NLN: variants seen among roughly 807,000 people sequenced by gnomAD.
NLN encodes the protein neurolysin.
NLN carries 64 observed loss-of-function variants against 79.9 expected under a neutral mutation model. The observed-to-expected ratio is 0.80, with a 90% CI of 0.65 to 0.99. NLN has a LOEUF of 0.99. Among genes scored for constraint, NLN ranks in the 50% least tolerant of loss-of-function variants. The pLI, the probability that NLN is intolerant of heterozygous loss-of-function variation, is 0.00. For synonymous variants in NLN, 267 were observed against 296.6 expected (o/e 0.90, Z 1.02); for missense variants, 835 against 858.7 (o/e 0.97, Z 0.34).
At chr5:65,758,053 G>A (rs1423276199) in intron 1 of NLN, among the ~76,000 whole-genome samples, 4 of 152,092 alleles carry the variant, frequency 2.6e-5, no homozygotes, top group Non-Finnish European at 4.4e-5. Context: ...GGCAATATGG[G>A]GAGACCTCAT....
chr5:65,778,570 C>G (rs1263673445), intron 4 of NLN, among the ~76,000 whole-genome samples: 3 of 152,156 alleles, frequency 2.0e-5, no homozygotes, highest in African/African-American at 7.2e-5. Flanking sequence ...GGAGCATGAA[C>G]ACTGTATTAG....
chr5:65,777,099 A>G (rs1378157138), intron 3 of NLN, among the ~76,000 whole-genome samples: 2 of 152,244 alleles, frequency 1.3e-5, no homozygotes, highest in Non-Finnish European at 2.9e-5. Context: ...TGTTTTGTGA[A>G]AAAGACCACT....
intron 1 of NLN, among the ~76,000 whole-genome samples, chr5:65,751,582 G>A (rs1759103045): frequency 6.6e-6 from 1 of 152,122 alleles, no homozygotes; most frequent in South Asian, 2.1e-4. Flanking sequence ...AAAATGAATG[G>A]CACAGATGAA....
At chr5:65,789,865 G>A (rs1274833449) in intron 8 of NLN, among the ~76,000 whole-genome samples, 1 of 152,212 alleles carries the variant, frequency 6.6e-6, no homozygotes. Flanking sequence ...AGTAGAAGTA[G>A]CAAAACCTTT....
chr5:65,785,897 A>G lies in NLN; in HGVS notation c.945A>G (p.Val315=), dbSNP rs781396857. The G allele has an allele frequency of 2.5e-6, 4 of 1,612,160 alleles. No individual in the cohort carries two copies. The highest frequency in any genetic ancestry group is 8.5e-7 in the Non-Finnish European group (1 of 1,179,186). ...EMNTAKSTSR[V]TAFLDDLSQK... ...ACACTGCAAAGAGCACAAGCCGCGTAACAGCCTTTCTAGGTTAGTTCTTTT... is the reference window on the plus strand; with the variant it reads ...ACACTGCAAAGAGCACAAGCCGCGTGACAGCCTTTCTAGGTTAGTTCTTTT... Residue 315 remains valine, a synonymous_variant, in exon 7 of 13, where the codon GTA becomes GTG. Coordinates refer to ENST00000380985, the MANE Select transcript of NLN (RefSeq NM_020726.5).
At chr5:65,732,029 G>T (rs935440620) in intron 1 of NLN, among the ~76,000 whole-genome samples, 8 of 151,986 alleles carry the variant, frequency 5.3e-5, no homozygotes, top group Admixed American at 3.3e-4. Flanking sequence ...ACGATTACAG[G>T]CATGAGCCAC....
At chr5:65,727,170 A>G (rs552620658) in intron 1 of NLN, among the ~76,000 whole-genome samples, 6 of 152,226 alleles carry the variant, frequency 3.9e-5, no homozygotes, top group African/African-American at 1.4e-4. Flanking sequence ...GTACCTATGT[A>G]TGTATGTATT....
chr5:65,792,749 C>T lies in NLN; in HGVS notation c.1527+94C>T, dbSNP rs1036175997. ...GGTTTCTGCTCCTAACAGGTTTTTT[C>T]AGAAGCTGAATGTGTTCAAGAATTT... is the stretch of plus-strand genomic sequence containing the variant. On this transcript the variant is annotated intron_variant, in intron 9 of 12. Transcript: ENST00000380985. The T allele has an allele frequency of 1.4e-5, 15 of 1,081,412 alleles. No homozygotes were observed. The African/African-American group carries it at 2.3e-4, about 17-fold the overall frequency. 67.0% of individuals were successfully genotyped at this position (1,081,412 alleles called of 1,614,324 possible). A position where few individuals can be genotyped will look rare whatever the true frequency, so the allele number is the denominator to read the frequency against.
intron 1 of NLN, among the ~76,000 whole-genome samples, chr5:65,743,894 T>TA (rs1463428452): frequency 6.6e-6 from 1 of 152,218 alleles, no homozygotes; most frequent in Non-Finnish European, 1.5e-5. Context: ...TAAACCCGTG[T>TA]ACCCACCTTA....
chr5:65,752,884 G>T (rs1027691838), intron 1 of NLN, among the ~76,000 whole-genome samples: 2 of 152,198 alleles, frequency 1.3e-5, no homozygotes, highest in Admixed American at 1.3e-4. Context: ...GAGAAAAAAA[G>T]TATTAAGATA....
chr5:65,801,203 G>A (rs1302107724), intron 9 of NLN, among the ~76,000 whole-genome samples: 7 of 152,150 alleles, frequency 4.6e-5, no homozygotes. Flanking sequence ...AAATACATTA[G>A]CATCAATAGT....
intron 12 of NLN, among the ~76,000 whole-genome samples, chr5:65,821,154 CTCG>C (rs1275070913): frequency 6.6e-6 from 1 of 152,032 alleles, no homozygotes; most frequent in Non-Finnish European, 1.5e-5. Context: ...GCTTCAAGCC[CTCG>C]TCGTCAGGTT....
At chr5:65,790,580 C>G (rs1374210114) in intron 8 of NLN, among the ~76,000 whole-genome samples, 1 of 152,222 alleles carries the variant, frequency 6.6e-6, no homozygotes, top group Non-Finnish European at 1.5e-5. Flanking sequence ...TATCATGAGA[C>G]TGGCTACCCC....
chr5:65,765,773 T>C (rs908820223), intron 3 of NLN, among the ~76,000 whole-genome samples: 2 of 151,892 alleles, frequency 1.3e-5, no homozygotes, highest in African/African-American at 2.4e-5. Context: ...GGATCTTAAA[T>C]TTATATGATG....
At chr5:65,808,534 T>C (rs1166312291) in intron 9 of NLN, among the ~76,000 whole-genome samples, 1 of 152,218 alleles carries the variant, frequency 6.6e-6, no homozygotes, top group Non-Finnish European at 1.5e-5. Flanking sequence ...TTTACAAGTG[T>C]TTGAAGGACT....
At chr5:65,817,758 A>G (rs1186012814) in intron 12 of NLN, among the ~76,000 whole-genome samples, 1 of 152,246 alleles carries the variant, frequency 6.6e-6, no homozygotes, top group Non-Finnish European at 1.5e-5. Flanking sequence ...TACATCTTAC[A>G]TAAAATAATA....
At chr5:65,813,904 T>C (rs1178762998) in intron 12 of NLN, among the ~76,000 whole-genome samples, 1 of 151,612 alleles carries the variant, frequency 6.6e-6, no homozygotes, top group Non-Finnish European at 1.5e-5. Context: ...CACTCCAGCC[T>C]GAATGACAGA....
In NLN at chr5:65,810,146, A is replaced by T. The variant is rs753363705; in HGVS notation, c.1824A>T (p.Leu608Phe). ...ATGCCAAATACTGCTCAGAAATATTAGGAGTTGCAGCTACTCCAGGTATGT... is the reference window on the plus strand; with the variant it reads ...ATGCCAAATACTGCTCAGAAATATTTGGAGTTGCAGCTACTCCAGGTATGT... ...SEYAKYCSEILGVAATPGTNM... is the reference protein window; with the variant it reads ...SEYAKYCSEIFGVAATPGTNM... The change falls in exon 11 of 13, where the codon TTA becomes TTT. Residue 608 changes from leucine (L) to phenylalanine (F), a missense_variant. By Grantham distance (22) the Leu-to-Phe change is conservative. Transcript: ENST00000380985. The T allele has an allele frequency of 1.2e-5, 19 of 1,613,820 alleles. No homozygotes were observed. The highest frequency in any genetic ancestry group is 1.5e-5 in the Non-Finnish European group (18 of 1,179,702).
intron 9 of NLN, among the ~76,000 whole-genome samples, chr5:65,805,667 T>G (rs1400673150): frequency 2.0e-5 from 3 of 152,242 alleles, no homozygotes; most frequent in Non-Finnish European, 2.9e-5. Flanking sequence ...AACATAAAAG[T>G]GCAAGGTGAA....
Sources: gnomAD v4.1 joint callset for allele counts (sites outside exome capture counted in the v4.1 genomes callset) on GRCh38, gnomAD v4.1.1 for gene constraint, MANE v1.5 for transcripts, NCBI Gene and HGNC (gene_info 2026-07-23, HGNC 2026-07-21) for gene names.